NECAB2: variants seen among roughly 807,000 people sequenced by gnomAD.
NECAB2 encodes N-terminal EF-hand calcium-binding protein 2.
Under a neutral mutation model 51.9 loss-of-function variants are expected in NECAB2, and 68 were observed. The ratio of observed to expected loss-of-function variants is 1.31; its 90% confidence interval spans 1.08 to 1.60. The LOEUF is 1.60. Ranked by LOEUF, NECAB2 falls within the 40% of genes most tolerant of loss-of-function variation. The pLI is 0.00. For missense variants in NECAB2, 854 were observed against 490.3 expected, an observed-to-expected ratio of 1.74 and a Z score of -7.00; for synonymous variants, 329 against 203.5, an observed-to-expected ratio of 1.62 and a Z score of -5.25.
intron 3 of NECAB2, among the ~76,000 whole-genome samples, chr16:83,979,073 A>C (rs1367423175): frequency 6.6e-6 from 1 of 152,188 alleles, no homozygotes; most frequent in African/African-American, 2.4e-5. Flanking sequence ...AGAATCAGCC[A>C]AAAACTCTGT....
intron 5 of NECAB2, among the ~76,000 whole-genome samples, chr16:83,985,720 C>T (rs1159989262): frequency 1.3e-5 from 2 of 151,860 alleles, no homozygotes; most frequent in African/African-American, 4.8e-5. Flanking sequence ...ATTTGAGCAG[C>T]CTGTTATGTT....
chr16:83,990,558 A>G lies in NECAB2; in HGVS notation c.524A>G (p.Asn175Ser), dbSNP rs149674637. 9.2e-5 allele frequency: 148 copies of G among 1,614,036 alleles called. No individual in the cohort carries two copies. In the African/African-American group the frequency reaches 1.5e-3, roughly 16 times the overall value. Residue 175 changes from asparagine to serine, a missense_variant, in exon 6 of 13, where the codon AAT (asparagine) becomes AGT (serine). Transcript: ENST00000305202. ...CGCTTCCTCCTGAAGGAGACGGCCA[A>G]TCAGATCCAGTCGCTGCTGAGCTCA... The part of the protein sequence containing the change: ...VTRFLLKETA[N>S]QIQSLLSSVE...
intron 2 of NECAB2, among the ~76,000 whole-genome samples, chr16:83,973,100 C>T (rs1315726981): frequency 6.6e-6 from 1 of 152,182 alleles, no homozygotes; most frequent in Non-Finnish European, 1.5e-5. Context: ...ATCGCGTGCT[C>T]CCGGTATGTT....
chr16:83,994,518 T>C (rs2292326), intron 7 of NECAB2, 91 bp from the exon 8 acceptor site: 272,980 of 1,593,926 alleles, frequency 0.17, 40,031 homozygotes, highest in African/African-American at 0.79. Flanking sequence ...GCAAGTTTGA[T>C]GCCCCTGGAG....
intron 8 of NECAB2, 45 bp from the exon 9 acceptor site, chr16:83,997,171 A>T: frequency 6.2e-7 from 1 of 1,612,866 alleles, no homozygotes; most frequent in East Asian, 2.2e-5. Flanking sequence ...CCCGGGGCGG[A>T]GTGGGGCTCT....
chr16:83,983,826 C>G (rs556032736), intron 5 of NECAB2, among the ~76,000 whole-genome samples: 2 of 152,226 alleles, frequency 1.3e-5, no homozygotes, highest in South Asian at 2.1e-4. Context: ...TATGAATCAG[C>G]TTCTCTAACA....
At chr16:83,968,949 C>A (rs1320892673) in intron 1 of NECAB2, 100 bp downstream of exon 1, 1 of 769,284 alleles carries the variant, frequency 1.3e-6, no homozygotes, top group Non-Finnish European at 1.6e-6. Flanking sequence ...CCGCGAGGCC[C>A]TCCCTACCCG....
chr16:84,002,049 C>A, intron 12 of NECAB2, 133 bp downstream of exon 12: 1 of 1,143,026 alleles, frequency 8.7e-7, no homozygotes, highest in Non-Finnish European at 1.3e-6. Flanking sequence ...CCACCAATGC[C>A]AGGCTCAGAG....
Position 83,968,666 on chromosome 16 carries a change from G to A in NECAB2, c.18G>A (p.Ala6=), listed in dbSNP as rs2151082455. Residue 6 remains alanine (A), a synonymous_variant, in exon 1 of 13, where the codon GCG becomes GCA. Coordinates refer to ENST00000305202, the MANE Select transcript of NECAB2 (RefSeq NM_019065.3). MCERA[A]RLCRAGAHRL... ...GCGGCGCGATGTGCGAGCGGGCGGCGCGCCTGTGCAGGGCCGGCGCGCACA... is the reference window on the plus strand; with the variant it reads ...GCGGCGCGATGTGCGAGCGGGCGGCACGCCTGTGCAGGGCCGGCGCGCACA... 1 of 983,356 alleles carries A rather than the reference G, an allele frequency of 1.0e-6. No individual in the cohort carries two copies. The highest frequency in any genetic ancestry group is 1.2e-6 in the Non-Finnish European group (1 of 830,202). The allele number at this position is 983,356 out of a possible 1,614,324, so 60.9% of individuals were successfully genotyped here. A position where few individuals can be genotyped will look rare whatever the true frequency, so the allele number is the denominator to read the frequency against.
upstream of NECAB2, chr16:83,965,755 C>A (rs1429267052): frequency 8.1e-6 from 13 of 1,613,328 alleles, no homozygotes; most frequent in Non-Finnish European, 1.1e-5. Context: ...TGGTGCTGGT[C>A]CTCATCGGCT....
rs573433372 is a variant in NECAB2 at position 83,994,330 on chromosome 16, G to A, written c.625G>A (p.Ala209Thr). Residue 209 changes from alanine (A) to threonine (T), a missense_variant, in exon 7 of 13, where the codon GCG becomes ACG. Ala to Thr is a moderately conservative substitution (Grantham distance 58). Transcript: ENST00000305202. ...RQNHIKPSHS[A>T]AQTWCGSPTP... ...GAACCACATCAAACCCAGCCACAGC[G>A]CGGCACAGACCTGGTGTGGAAGCCC... The A allele has an allele frequency of 1.5e-5, 24 of 1,614,150 alleles. No individual in the cohort carries two copies. The highest frequency in any genetic ancestry group is 6.7e-5 in the Admixed American group (4 of 60,018).
At chr16:83,997,352 T>C in intron 9 of NECAB2, 83 bp downstream of exon 9, 3 of 1,545,682 alleles carry the variant, frequency 1.9e-6, no homozygotes, top group Non-Finnish European at 2.7e-6. Context: ...TCAATGCCCC[T>C]GACCCCGCTC....
At chr16:83,996,612 G>GT (rs1174008048) in intron 8 of NECAB2, among the ~76,000 whole-genome samples, 1 of 151,944 alleles carries the variant, frequency 6.6e-6, no homozygotes, top group Non-Finnish European at 1.5e-5. Context: ...GACACACTGG[G>GT]TTCAGACCCA....
chr16:83,998,072 C>A (rs1380188773), intron 9 of NECAB2, 133 bp from the exon 10 acceptor site: 1 of 767,492 alleles, frequency 1.3e-6, no homozygotes, highest in Admixed American at 2.4e-5. Flanking sequence ...CTTATCCATT[C>A]ATGGGTAAGA....
rs2280027 is a variant in NECAB2, at chr16:84,002,622, T to G, written c.*276T>G. ...TGCCTCCTGGTCCTGGCCTCTCCCC[T>G]ACCCCTCACATGGCCACGCATGACC... On this transcript the variant is annotated 3_prime_UTR_variant, in exon 13 of 13. Coordinates refer to ENST00000305202, the MANE Select transcript of NECAB2 (RefSeq NM_019065.3). 1.1e-5 allele frequency: 6 copies of G among 553,846 alleles called. No individual in the cohort carries two copies. Among genetic ancestry groups the G allele is most frequent in the Non-Finnish European group, 1.9e-5 (6 of 309,156 alleles). The allele number at this position is 553,846 out of a possible 1,614,324, so 34.3% of individuals were successfully genotyped here.
In NECAB2 at chr16:83,968,826, G is replaced by C. The variant is rs552249629; in HGVS notation, c.178G>C (p.Gly60Arg). 4 of 1,117,648 alleles carry C rather than the reference G, an allele frequency of 3.6e-6. No individual in the cohort carries two copies. In the Admixed American group the frequency reaches 1.5e-4, roughly 42 times the overall value. The allele number at this position is 1,117,648 out of a possible 1,614,324, so 69.2% of individuals were successfully genotyped here. Residue 60 changes from glycine (G) to arginine (R), a missense_variant, in exon 1 of 13, where the codon GGG becomes CGG. Gly to Arg is a moderately radical substitution (Grantham distance 125, BLOSUM62 -2). Coordinates refer to ENST00000305202, the MANE Select transcript of NECAB2 (RefSeq NM_019065.3). ...PADPGPASPR[G>R]GTAVILDIFR... ...GGACCCCGGCCCAGCCTCGCCGCGC[G>C]GGGGCACCGCCGTCATCCTGGACGT... is the stretch of plus-strand genomic sequence containing the variant.
chr16:83,998,892 G>C (rs897405962), intron 10 of NECAB2, among the ~76,000 whole-genome samples: 1 of 152,214 alleles, frequency 6.6e-6, no homozygotes, highest in East Asian at 1.9e-4. Context: ...TAGCTCCTTG[G>C]TAAAGCTAAG....
intron 1 of NECAB2, among the ~76,000 whole-genome samples, chr16:83,969,227 CCT>C (rs933868248): frequency 1.3e-5 from 2 of 152,064 alleles, no homozygotes; most frequent in African/African-American, 4.8e-5. Context: ...GCCGCCTCCT[CCT>C]CTCCATCCCG....
At chr16:83,989,991 C>A (rs376562367) in intron 5 of NECAB2, among the ~76,000 whole-genome samples, 9 of 152,124 alleles carry the variant, frequency 5.9e-5, no homozygotes, top group African/African-American at 2.2e-4. Flanking sequence ...GATCCAGGAG[C>A]CCTAGGAATC....
Sources: allele counts gnomAD v4.1 joint callset (sites outside exome capture counted in the v4.1 genomes callset), GRCh38; gene constraint gnomAD v4.1.1; transcripts MANE v1.5; gene names NCBI Gene and HGNC (gene_info 2026-07-23, HGNC 2026-07-21).